Variants in AMPH observed in about 807,000 individuals in gnomAD.
AMPH encodes amphiphysin.
AMPH carries 49 observed loss-of-function variants against 99.1 expected under a neutral mutation model. The observed-to-expected ratio is 0.49, with a 90% confidence interval of 0.39 to 0.63. The LOEUF (loss-of-function observed/expected upper bound fraction) is 0.63, where lower values mean the gene tolerates loss of function less well. Among genes scored for constraint, AMPH ranks in the 20% least tolerant of loss-of-function variants. AMPH has a pLI of 0.00. For missense variants in AMPH, 759 were observed against 863.4 expected (o/e 0.88, Z 1.52); for synonymous variants, 314 against 317.3 (o/e 0.99, Z 0.11).
intron 1 of AMPH, among the ~76,000 whole-genome samples, chr7:38,563,397 T>A (rs964388433): frequency 1.3e-5 from 2 of 152,244 alleles, no homozygotes; most frequent in Admixed American, 6.5e-5. Context: ...TATTTCATTC[T>A]ATGGTATTTG....
At chr7:38,406,228 A>G (rs1784980100) in intron 17 of AMPH, among the ~76,000 whole-genome samples, 1 of 152,204 alleles carries the variant, frequency 6.6e-6, no homozygotes, top group African/African-American at 2.4e-5. Context: ...GCTAAGAGGA[A>G]AGTTTATACT....
chr7:38,466,027 A>AATGTTATC (rs1226745100), intron 8 of AMPH, 146 bp downstream of exon 8: 8 of 634,034 alleles, frequency 1.3e-5, no homozygotes, highest in Non-Finnish European at 5.3e-6. Context: ...AAACCGTAGA[A>AATGTTATC]ATGTTATCGA....
intron 1 of AMPH, among the ~76,000 whole-genome samples, chr7:38,631,051 G>C (rs1170879592): frequency 6.6e-6 from 1 of 152,130 alleles, no homozygotes; most frequent in African/African-American, 2.4e-5. Context: ...CCGGGGCCAG[G>C]GTCTGCGGGT....
At chr7:38,602,734 G>GTACATTA (rs1323613298) in intron 1 of AMPH, among the ~76,000 whole-genome samples, 3 of 152,124 alleles carry the variant, frequency 2.0e-5, no homozygotes, top group Non-Finnish European at 4.4e-5. Context: ...ATCTTTGAGA[G>GTACATTA]TACATTATTC....
chr7:38,563,930 T>C (rs1207229767), intron 1 of AMPH, among the ~76,000 whole-genome samples: 1 of 152,172 alleles, frequency 6.6e-6, no homozygotes, highest in African/African-American at 2.4e-5. Flanking sequence ...TCACCACACA[T>C]TTTTCAAGCA....
chr7:38,573,280 T>G (rs1299852872), intron 1 of AMPH, among the ~76,000 whole-genome samples: 1 of 152,200 alleles, frequency 6.6e-6, no homozygotes, highest in Non-Finnish European at 1.5e-5. Context: ...CTTTTTCTTT[T>G]TTCTTGTTTT....
chr7:38,571,770 T>G (rs531470720), intron 1 of AMPH, among the ~76,000 whole-genome samples: 1 of 152,072 alleles, frequency 6.6e-6, no homozygotes, highest in South Asian at 2.1e-4. Flanking sequence ...TAGCATAGCT[T>G]AAGTGTACAG....
At chr7:38,509,231 G>T (rs1789448016) in intron 2 of AMPH, among the ~76,000 whole-genome samples, 3 of 152,110 alleles carry the variant, frequency 2.0e-5, no homozygotes, top group Admixed American at 2.0e-4. Context: ...AAATAAGACT[G>T]GATATTTGCA....
intron 11 of AMPH, among the ~76,000 whole-genome samples, chr7:38,451,615 C>G (rs1787041941): frequency 6.6e-6 from 1 of 152,022 alleles, no homozygotes. Context: ...TTGAATGGAA[C>G]TTTGTTACAG....
intron 1 of AMPH, among the ~76,000 whole-genome samples, chr7:38,577,752 A>G (rs77599514): frequency 0.019 from 2,895 of 151,684 alleles, 80 homozygotes; most frequent in East Asian, 0.082. Flanking sequence ...GAAGGAAGGA[A>G]GAAAAAAGGA....
At chr7:38,492,571 T>C (rs1358112801) in intron 4 of AMPH, among the ~76,000 whole-genome samples, 2 of 152,268 alleles carry the variant, frequency 1.3e-5, no homozygotes, top group African/African-American at 2.4e-5. Flanking sequence ...AAGAATTTCA[T>C]GCAAACCAAA....
Position 38,392,026 on chromosome 7 carries a change from A to T in AMPH, c.1609-9T>A. ...GAAGGAATGACCTTCTCCTGGGGGA[A>T]GAAAAACCGTGGCGATGCCCGGCAG... On this transcript the variant is annotated splice_polypyrimidine_tract_variant and intron_variant, in intron 18 of 20. Coordinates refer to ENST00000356264, the MANE Select transcript of AMPH (RefSeq NM_001635.4). The T allele has an allele frequency of 2.5e-6, 4 of 1,602,758 alleles. No homozygotes were observed. Among genetic ancestry groups the T allele is most frequent in the Non-Finnish European group, 3.4e-6 (4 of 1,179,732 alleles).
At chr7:38,441,484 G>A (rs915584117) in intron 11 of AMPH, among the ~76,000 whole-genome samples, 1 of 151,922 alleles carries the variant, frequency 6.6e-6, no homozygotes, top group Admixed American at 6.6e-5. Flanking sequence ...TCATCAAATA[G>A]GTCTCAACTA....
At chr7:38,571,276 T>TTTA (rs1791995304) in intron 1 of AMPH, among the ~76,000 whole-genome samples, 2 of 39,514 alleles carry the variant, frequency 5.1e-5, no homozygotes, top group Non-Finnish European at 8.6e-5. Context: ...TTTATATATA[T>TTTA]ATTTTTATAT....
rs1353377885 is a variant in AMPH at position 38,384,072 on chromosome 7, A to G, written c.*746T>C. Reference sequence around the variant, plus strand: ...TCGTGCTATCTGTCATCTCATCCTGAAAACTGCACAGTACAAACACAGATA... The same window carrying G: ...TCGTGCTATCTGTCATCTCATCCTGGAAACTGCACAGTACAAACACAGATA... On this transcript the variant is annotated 3_prime_UTR_variant, in exon 21 of 21. Transcript: ENST00000356264. The G allele has an allele frequency of 6.6e-6, 1 of 152,306 alleles. No homozygotes were observed. The highest frequency in any genetic ancestry group is 1.5e-5 in the Non-Finnish European group (1 of 68,038). The allele number at this position is 152,306 out of a possible 1,614,324, so 9.4% of individuals were successfully genotyped here. A position where few individuals can be genotyped will look rare whatever the true frequency, so the allele number is the denominator to read the frequency against.
intron 15 of AMPH, among the ~76,000 whole-genome samples, chr7:38,425,045 T>C (rs1418122166): frequency 6.6e-6 from 1 of 152,338 alleles, no homozygotes; most frequent in South Asian, 2.1e-4. Context: ...TATTAATATA[T>C]ATGTAGGACA....
At position 38,537,832 on chromosome 7, in the gene AMPH, G is replaced by A. The variant is rs192334995; in HGVS notation, c.70-2821C>T. Among the ~76,000 whole-genome samples the A allele has an allele frequency of 3.3e-3, 503 of 152,220 alleles. 4 individuals are homozygous for A. The highest frequency in any genetic ancestry group is 0.011 in the African/African-American group (469 of 41,550). On this transcript the variant is annotated intron_variant, in intron 1 of 20. Coordinates refer to ENST00000356264, the MANE Select transcript of AMPH (RefSeq NM_001635.4). ...AAACGCACAAATACACAGAAAATCT[G>A]GAGCCAAAAAAAGGAGCTCTCAAAA...
At chr7:38,466,293 C>A (rs766231097) in intron 7 of AMPH, 45 bp from the exon 8 acceptor site, 1 of 1,451,186 alleles carries the variant, frequency 6.9e-7, no homozygotes, top group Non-Finnish European at 9.4e-7. Context: ...GAGGGAAAGA[C>A]CAGTCAGTAA....
chr7:38,406,731 CCTCTCTCT>C (rs56738810), intron 17 of AMPH, among the ~76,000 whole-genome samples: 16,418 of 79,380 alleles, frequency 0.21, 1,374 homozygotes, highest in Non-Finnish European at 0.24. Flanking sequence ...TCTCCCTTTC[CCTCTCTCT>C]CTCTCTCTCT....
Sources: allele counts gnomAD v4.1 joint callset (sites outside exome capture counted in the v4.1 genomes callset), GRCh38; gene constraint gnomAD v4.1.1; transcripts MANE v1.5; gene names NCBI Gene and HGNC (gene_info 2026-07-23, HGNC 2026-07-21).